TAFA1: variants seen among roughly 807,000 people sequenced by gnomAD.
TAFA1 encodes the protein TAFA chemokine like family member 1.
A neutral mutation model predicts 18.5 loss-of-function variants in TAFA1; 4 were observed. That is an observed-to-expected ratio of 0.22 (90% CI 0.11 to 0.49). TAFA1 has a LOEUF of 0.49. Among genes scored for constraint, TAFA1 ranks in the 20% least tolerant of loss-of-function variants. TAFA1 has a pLI of 0.98. For missense variants in TAFA1, 147 were observed against 169.0 expected, an observed-to-expected ratio of 0.87 and a Z score of 0.72; for synonymous variants, 56 against 55.2, an observed-to-expected ratio of 1.01 and a Z score of -0.06.
chr3:68,080,117 C>T (rs1430863685), intron 2 of TAFA1, among the ~76,000 whole-genome samples: 1 of 152,090 alleles, frequency 6.6e-6, no homozygotes, highest in Admixed American at 6.5e-5. Flanking sequence ...TCTGTTTTAC[C>T]AGAGACTAGG....
At chr3:68,148,046 CTT>C (rs1249970522) in intron 2 of TAFA1, among the ~76,000 whole-genome samples, 2 of 152,170 alleles carry the variant, frequency 1.3e-5, no homozygotes, top group Non-Finnish European at 1.5e-5. Flanking sequence ...ATGTTCTTGT[CTT>C]TGACCTCTGC....
intron 2 of TAFA1, among the ~76,000 whole-genome samples, chr3:68,382,438 G>C (rs2069989174): frequency 6.6e-6 from 1 of 151,996 alleles, no homozygotes; most frequent in African/African-American, 2.4e-5. Flanking sequence ...TCTGCTTATG[G>C]TTAGCCAGTT....
intron 2 of TAFA1, among the ~76,000 whole-genome samples, chr3:68,215,832 C>T (rs1039011626): frequency 6.6e-5 from 10 of 152,018 alleles, no homozygotes; most frequent in Non-Finnish European, 1.0e-4. Context: ...GATTTGAAAG[C>T]CTATGTCCAC....
At chr3:68,160,212 C>T (rs2065909463) in intron 2 of TAFA1, among the ~76,000 whole-genome samples, 1 of 152,132 alleles carries the variant, frequency 6.6e-6, no homozygotes, top group Admixed American at 6.6e-5. Flanking sequence ...CCTCATAGAG[C>T]AGGAGTAAGT....
chr3:68,340,148 A>G (rs1491749), intron 2 of TAFA1, among the ~76,000 whole-genome samples: 8,345 of 152,288 alleles, frequency 0.055, 805 homozygotes, highest in African/African-American at 0.19. Context: ...TGTTTTTGAC[A>G]TACATGCAAA....
chr3:68,391,530 A>G (rs2070246842), intron 2 of TAFA1, among the ~76,000 whole-genome samples: 1 of 152,204 alleles, frequency 6.6e-6, no homozygotes, highest in Non-Finnish European at 1.5e-5. Flanking sequence ...ATAATCCTCA[A>G]GAAGAGCAAC....
intron 2 of TAFA1, among the ~76,000 whole-genome samples, chr3:68,163,939 T>C (rs2065953476): frequency 6.6e-6 from 1 of 152,208 alleles, no homozygotes; most frequent in African/African-American, 2.4e-5. Flanking sequence ...GTTTAAACTC[T>C]TAGGTCTATA....
intron 2 of TAFA1, among the ~76,000 whole-genome samples, chr3:68,063,968 G>A (rs909059552): frequency 6.6e-6 from 1 of 152,136 alleles, no homozygotes; most frequent in Non-Finnish European, 1.5e-5. Flanking sequence ...CCCCCAGGTA[G>A]GACTTTTTAC....
At chr3:68,328,931 G>A (rs996460375) in intron 2 of TAFA1, among the ~76,000 whole-genome samples, 1 of 151,734 alleles carries the variant, frequency 6.6e-6, no homozygotes, top group Non-Finnish European at 1.5e-5. Flanking sequence ...AATCAAATAG[G>A]AAGGCAAAAA....
intron 2 of TAFA1, among the ~76,000 whole-genome samples, chr3:68,372,896 A>G (rs892615987): frequency 9.9e-5 from 15 of 152,210 alleles, no homozygotes; most frequent in South Asian, 2.1e-4. Flanking sequence ...CATGAGGAAG[A>G]AAAGGTGTTC....
chr3:68,118,970 C>T (rs755659789), intron 2 of TAFA1, among the ~76,000 whole-genome samples: 6 of 152,044 alleles, frequency 3.9e-5, no homozygotes, highest in East Asian at 3.9e-4. Flanking sequence ...ACAGGGGCAA[C>T]GTCATTTTTC....
chr3:68,272,429 C>T (rs775345253), intron 2 of TAFA1, among the ~76,000 whole-genome samples: 22 of 152,098 alleles, frequency 1.4e-4, no homozygotes, highest in South Asian at 4.2e-4. Context: ...AGATAAAACA[C>T]GTAACATGGG....
chr3:68,353,418 C>T (rs543624140), intron 2 of TAFA1, among the ~76,000 whole-genome samples: 42 of 152,176 alleles, frequency 2.8e-4, no homozygotes, highest in Non-Finnish European at 5.9e-5. Context: ...TTCAGCTGCA[C>T]AAGGACATCA....
At position 68,479,085 on chromosome 3, in the gene TAFA1, A is replaced by G. The variant is rs1043445873; in HGVS notation, c.260-59671A>G. 2.5e-4 allele frequency among the ~76,000 whole-genome samples: 38 copies of G among 149,570 alleles called. No individual in the cohort carries two copies. The East Asian group carries it at 5.1e-3, about 20-fold the overall frequency. ...ATCTCTACTAAAAATACAAAAATTA[A>G]CTGGGCATGGTGACGCGCGCCTGTA... On this transcript the variant is annotated intron_variant, in intron 3 of 4. Coordinates refer to ENST00000478136, the MANE Select transcript of TAFA1 (RefSeq NM_213609.4).
intron 3 of TAFA1, among the ~76,000 whole-genome samples, chr3:68,449,608 C>T (rs1230767045): frequency 2.6e-5 from 4 of 152,116 alleles, no homozygotes; most frequent in African/African-American, 9.7e-5. Context: ...CAAAAAAACA[C>T]AAAGATCTAA....
chr3:68,071,832 A>G (rs1159043540), intron 2 of TAFA1, among the ~76,000 whole-genome samples: 1 of 152,150 alleles, frequency 6.6e-6, no homozygotes, highest in Admixed American at 6.5e-5. Flanking sequence ...GAAGAGGCAC[A>G]TCATATGGTG....
chr3:68,065,470 G>A (rs1441296480), intron 2 of TAFA1, among the ~76,000 whole-genome samples: 1 of 152,124 alleles, frequency 6.6e-6, no homozygotes, highest in Non-Finnish European at 1.5e-5. Flanking sequence ...GGGTCCCAGT[G>A]TCTTCCCCTT....
chr3:68,370,594 T>C (rs72626993), intron 2 of TAFA1, among the ~76,000 whole-genome samples: 8,977 of 141,516 alleles, frequency 0.063, 401 homozygotes, highest in East Asian at 0.22. Flanking sequence ...CAAAATGAAT[T>C]GTTAACTATT....
intron 3 of TAFA1, among the ~76,000 whole-genome samples, chr3:68,499,543 A>G (rs1042935984): frequency 2.1e-4 from 31 of 151,210 alleles, no homozygotes; most frequent in African/African-American, 7.5e-4. Context: ...TTAACCATGA[A>G]AAGGTAAGCT....
Sources: gnomAD v4.1 joint callset for allele counts (sites outside exome capture counted in the v4.1 genomes callset) on GRCh38, gnomAD v4.1.1 for gene constraint, MANE v1.5 for transcripts, NCBI Gene and HGNC (gene_info 2026-07-23, HGNC 2026-07-21) for gene names.